The following PDE4D variants were observed in gnomAD, a reference collection of about 807,000 sequenced individuals.
PDE4D encodes phosphodiesterase 4D.
A neutral mutation model predicts 87.4 loss-of-function variants in PDE4D; 24 were observed. The observed-to-expected ratio is 0.27, with a 90% CI of 0.20 to 0.39. PDE4D has a LOEUF of 0.39. Among genes scored for constraint, PDE4D ranks in the 10% least tolerant of loss-of-function variants. PDE4D has a pLI of 1.00. For synonymous variants in PDE4D, 384 were observed against 383.2 expected (o/e 1.00, Z -0.02); for missense variants, 714 against 1,041.0 (o/e 0.69, Z 4.32).
At chr5:59,789,824 A>C (rs191991880) in intron 1 of PDE4D, among the ~76,000 whole-genome samples, 1 of 152,282 alleles carries the variant, frequency 6.6e-6, no homozygotes, top group Admixed American at 6.5e-5. Context: ...TCAGGTCCTG[A>C]TTCGATTTCA....
intron 1 of PDE4D, among the ~76,000 whole-genome samples, chr5:60,337,386 T>TACACAC (rs1370710315): frequency 7.5e-4 from 69 of 92,098 alleles, no homozygotes; most frequent in South Asian, 2.9e-3. Context: ...TATATATATA[T>TACACAC]ATACACACAC....
At chr5:59,064,633 C>T (rs1372114629) in intron 5 of PDE4D, among the ~76,000 whole-genome samples, 1 of 152,142 alleles carries the variant, frequency 6.6e-6, no homozygotes, top group African/African-American at 2.4e-5. Context: ...TTTGTTAATT[C>T]AGTTGGATCT....
intron 1 of PDE4D, among the ~76,000 whole-genome samples, chr5:59,484,025 G>A (rs1398928970): frequency 1.3e-5 from 2 of 152,314 alleles, no homozygotes; most frequent in African/African-American, 4.8e-5. Context: ...AATTTATTGT[G>A]ACTTGGGGAA....
intron 2 of PDE4D, among the ~76,000 whole-genome samples, chr5:60,169,049 C>T (rs1783178516): frequency 6.6e-6 from 1 of 152,048 alleles, no homozygotes; most frequent in Non-Finnish European, 1.5e-5. Flanking sequence ...AGGATTTTGC[C>T]TTCTTTTCCT....
chr5:59,292,105 A>G (rs1197513467), intron 1 of PDE4D, among the ~76,000 whole-genome samples: 1 of 152,098 alleles, frequency 6.6e-6, no homozygotes, highest in African/African-American at 2.4e-5. Context: ...GTTATTCCAT[A>G]TGGGGAAAGA....
chr5:60,499,050 C>T (rs1039048445), intron 1 of PDE4D, among the ~76,000 whole-genome samples: 9 of 152,214 alleles, frequency 5.9e-5, no homozygotes, highest in African/African-American at 1.4e-4. Flanking sequence ...TTCCACCCAA[C>T]GCAGATCCTT....
intron 1 of PDE4D, among the ~76,000 whole-genome samples, chr5:60,339,987 A>T (rs1180794660): frequency 2.6e-5 from 4 of 152,210 alleles, no homozygotes; most frequent in Admixed American, 2.6e-4. Flanking sequence ...CCCTGCCCTA[A>T]AGGCCTCTGC....
intron 7 of PDE4D, among the ~76,000 whole-genome samples, chr5:58,992,810 A>G (rs577589721): frequency 1.3e-5 from 2 of 152,182 alleles, no homozygotes; most frequent in African/African-American, 4.8e-5. Context: ...TTTTGAAAGT[A>G]AGTCCAGGAT....
chr5:59,198,883 T>C (rs1746090735), intron 2 of PDE4D, among the ~76,000 whole-genome samples: 1 of 152,184 alleles, frequency 6.6e-6, no homozygotes, highest in African/African-American at 2.4e-5. Context: ...GATCCATATA[T>C]GGTTCAAGTA....
intron 6 of PDE4D, among the ~76,000 whole-genome samples, chr5:59,028,512 T>C (rs1176095100): frequency 6.6e-6 from 1 of 150,648 alleles, no homozygotes; most frequent in Non-Finnish European, 1.5e-5. Flanking sequence ...TTCCCATCTT[T>C]TAATTCATTA....
At chr5:60,437,468 G>T (rs1286868820) in intron 1 of PDE4D, among the ~76,000 whole-genome samples, 1 of 152,068 alleles carries the variant, frequency 6.6e-6, no homozygotes, top group East Asian at 1.9e-4. Context: ...CACAAGAAAA[G>T]CTAAGTGGCC....
Position 59,893,499 on chromosome 5 carries a change from G to C in PDE4D, c.124C>G (p.Pro42Ala). 1.9e-6 allele frequency: 3 copies of C among 1,541,354 alleles called. No individual in the cohort carries two copies. Among genetic ancestry groups the C allele is most frequent in the Non-Finnish European group, 2.6e-6 (3 of 1,142,842 alleles). Residue 42 changes from proline (P) to alanine (A), a missense_variant, in exon 1 of 15, where the codon CCG becomes GCG. This residue lies in a region of PDE4D where 268 missense variants were observed against 272.9 expected (regional missense o/e 0.98). Transcript: ENST00000340635. Reference sequence around the variant, plus strand: ...AGGCGGAACTGGGGCTGCCGGAGCGGGTACTGGTGGTGCTGCTCGTGCCTC... The same window carrying C: ...AGGCGGAACTGGGGCTGCCGGAGCGCGTACTGGTGGTGCTGCTCGTGCCTC... Reference protein sequence around the residue: ...LWRHEQHHQYPLRQPQFRLLH... With the variant: ...LWRHEQHHQYALRQPQFRLLH...
At chr5:59,508,373 G>A (rs1809653758) in intron 1 of PDE4D, among the ~76,000 whole-genome samples, 1 of 152,068 alleles carries the variant, frequency 6.6e-6, no homozygotes, top group Admixed American at 6.5e-5. Flanking sequence ...ATGTAATATG[G>A]CATTGGATAT....
At chr5:59,518,088 C>T (rs890067539) in intron 1 of PDE4D, among the ~76,000 whole-genome samples, 1 of 152,004 alleles carries the variant, frequency 6.6e-6, no homozygotes. Flanking sequence ...CTCAAGCATT[C>T]CAATTGGATG....
In PDE4D at chr5:60,366,043, C is replaced by CAA. The variant is rs201694311; in HGVS notation, c.-90+121897_-90+121898dup. On this transcript the variant is annotated intron_variant, in intron 1 of 16. Transcript: ENST00000502484. ...TGGGTGACAGAGTAAGACTCTGTCT[C>CAA]AAAAAAAAAAAAAAAAAAATCTGGC... 3.2e-3 allele frequency among the ~76,000 whole-genome samples: 229 copies of CAA among 70,692 alleles called. 1 individual carries two copies. Among genetic ancestry groups the CAA allele is most frequent in the African/African-American group, 9.0e-3 (172 of 19,164 alleles). The allele number at this position is 70,692 out of a possible 152,430, so 46.4% of individuals were successfully genotyped here. A position where few individuals can be genotyped will look rare whatever the true frequency, so the allele number is the denominator to read the frequency against.
intron 1 of PDE4D, among the ~76,000 whole-genome samples, chr5:60,317,996 A>G (rs1260308731): frequency 1.3e-5 from 2 of 152,160 alleles, no homozygotes; most frequent in African/African-American, 2.4e-5. Flanking sequence ...GTAGATGTCT[A>G]TTAGGTCTGC....
At chr5:59,749,944 G>A (rs1461863669) in intron 1 of PDE4D, among the ~76,000 whole-genome samples, 1 of 152,044 alleles carries the variant, frequency 6.6e-6, no homozygotes, top group Non-Finnish European at 1.5e-5. Context: ...TCCTCAGCTT[G>A]ACAAATGACA....
intron 1 of PDE4D, among the ~76,000 whole-genome samples, chr5:60,288,461 A>T (rs1752613099): frequency 6.6e-6 from 1 of 152,220 alleles, no homozygotes; most frequent in South Asian, 2.1e-4. Context: ...ATCTTTACAA[A>T]TAACAAAATA....
rs893698701 is a variant in PDE4D at position 60,110,766 on chromosome 5, A to G, written c.42+74791T>C. ...GGAATCAACCTTAATGTCTACCAACAGACAAATAGATAAAGAAAATGTGGT... is the reference window on the plus strand; with the variant it reads ...GGAATCAACCTTAATGTCTACCAACGGACAAATAGATAAAGAAAATGTGGT... On this transcript the variant is annotated intron_variant, in intron 2 of 16. Transcript: ENST00000502484. 2.6e-5 allele frequency among the ~76,000 whole-genome samples: 4 copies of G among 152,130 alleles called. No individual in the cohort carries two copies. In the East Asian group the frequency reaches 7.7e-4, roughly 29 times the overall value.
Sources: gnomAD v4.1 joint callset for allele counts (sites outside exome capture counted in the v4.1 genomes callset) on GRCh38, gnomAD v4.1.1 for gene constraint, gnomAD v4.1.1 regional missense constraint, MANE v1.5 for transcripts, NCBI Gene and HGNC (gene_info 2026-07-23, HGNC 2026-07-21) for gene names.